Variants in DENND6A observed in about 807,000 individuals in gnomAD.
DENND6A encodes DENN domain containing 6A.
Under a neutral mutation model 95.5 loss-of-function variants are expected in DENND6A, and 43 were observed. The observed-to-expected ratio is 0.45, with a 90% CI of 0.35 to 0.58. The LOEUF is 0.58. DENND6A is among the 20% of genes least tolerant of loss of function. The pLI is 0.00. For missense variants in DENND6A, 574 were observed against 736.0 expected (o/e 0.78, Z 2.55); for synonymous variants, 257 against 260.4 (o/e 0.99, Z 0.13).
chr3:57,651,470 T>C (rs1457973794), intron 9 of DENND6A, among the ~76,000 whole-genome samples: 1 of 152,032 alleles, frequency 6.6e-6, no homozygotes, highest in Admixed American at 6.6e-5. Context: ...GGCAAGTCCA[T>C]AGAGACAGAA....
At chr3:57,638,992 G>A (rs2070866429) in intron 12 of DENND6A, among the ~76,000 whole-genome samples, 1 of 152,160 alleles carries the variant, frequency 6.6e-6, no homozygotes, top group African/African-American at 2.4e-5. Flanking sequence ...CAGCTACTCG[G>A]GAGGCTGAGG....
chr3:57,661,313 A>G (rs1242024494), intron 6 of DENND6A, 133 bp downstream of exon 6: 1 of 673,774 alleles, frequency 1.5e-6, no homozygotes, highest in Non-Finnish European at 2.3e-6. Flanking sequence ...ATAGTTTTAT[A>G]CCTTTCTCCT....
At chr3:57,681,731 C>T (rs2077168031) in intron 1 of DENND6A, among the ~76,000 whole-genome samples, 1 of 151,422 alleles carries the variant, frequency 6.6e-6, no homozygotes, top group African/African-American at 2.4e-5. Flanking sequence ...GTATATTATT[C>T]AACCATAAAA....
intron 1 of DENND6A, among the ~76,000 whole-genome samples, chr3:57,686,968 AG>A (rs1162362784): frequency 6.6e-6 from 1 of 152,252 alleles, no homozygotes; most frequent in African/African-American, 2.4e-5. Flanking sequence ...ACAGGCCAAA[AG>A]CTAGGCCTCT....
At chr3:57,633,129 G>A (rs2070722228) in intron 15 of DENND6A, 136 bp downstream of exon 15, 1 of 700,920 alleles carries the variant, frequency 1.4e-6, no homozygotes, top group African/African-American at 1.8e-5. Context: ...TCTTGCAAAG[G>A]GGTTTATTTT....
At chr3:57,654,726 T>C (rs1020328111) in intron 9 of DENND6A, 5 of 985,040 alleles carry the variant, frequency 5.1e-6, no homozygotes, top group Non-Finnish European at 6.0e-6. Flanking sequence ...GGAATAGACC[T>C]TGACCTAGTG....
At chr3:57,689,404 TGAGGTACAGTATATCAAACCCAG>T (rs1415066369) in intron 1 of DENND6A, among the ~76,000 whole-genome samples, 1 of 152,076 alleles carries the variant, frequency 6.6e-6, no homozygotes. Context: ...AAGCTAAAAG[TGAGGTACAGTATATCAAACCCAG>T]GAGGTTTCAA....
At chr3:57,633,395 G>A in intron 14 of DENND6A, 41 bp from the exon 15 acceptor site, 1 of 1,505,974 alleles carries the variant, frequency 6.6e-7, no homozygotes, top group Middle Eastern at 1.8e-4. Flanking sequence ...TCTAGTGTTG[G>A]AATATAAAAC....
chr3:57,630,572 CT>C (rs1475500077), intron 17 of DENND6A, 49 bp from the exon 18 acceptor site: 28 of 1,546,640 alleles, frequency 1.8e-5, no homozygotes, highest in Non-Finnish European at 2.4e-5. Context: ...AACTTATTTC[CT>C]TTCCTCAATA....
chr3:57,684,601 C>G (rs192492585), intron 1 of DENND6A, among the ~76,000 whole-genome samples: 3 of 152,036 alleles, frequency 2.0e-5, no homozygotes, highest in East Asian at 3.9e-4. Context: ...CTGGGCAACA[C>G]AGCAAAACCC....
intron 1 of DENND6A, among the ~76,000 whole-genome samples, chr3:57,691,669 CAAAAAAAA>C (rs71091304): frequency 7.5e-5 from 7 of 93,596 alleles, no homozygotes; most frequent in African/African-American, 2.7e-4. Context: ...TCACCAATAC[CAAAAAAAA>C]AAAAAAAAAA....
At chr3:57,654,725 C>T (rs763921802) in intron 9 of DENND6A, 92 of 984,934 alleles carry the variant, frequency 9.3e-5, no homozygotes, top group Admixed American at 3.1e-4. Context: ...TGGAATAGAC[C>T]TTGACCTAGT....
In DENND6A at chr3:57,681,653, A is replaced by G. The variant is rs558758330; in HGVS notation, c.238-9215T>C. ...AAAAAAAAAAGAAAGAAAGAAAGAAAAAAGAAAGAAACAATCCAAATTTTC... is the reference window on the plus strand; with the variant it reads ...AAAAAAAAAAGAAAGAAAGAAAGAAGAAAGAAAGAAACAATCCAAATTTTC... On this transcript the variant is annotated intron_variant, in intron 1 of 19. Transcript: ENST00000311128. 3.9e-5 allele frequency among the ~76,000 whole-genome samples: 6 copies of G among 151,986 alleles called. No homozygotes were observed. The East Asian group carries it at 1.2e-3, about 29-fold the overall frequency.
chr3:57,653,831 GTTT>G (rs571512945), intron 9 of DENND6A, among the ~76,000 whole-genome samples: 2 of 139,754 alleles, frequency 1.4e-5, no homozygotes, highest in Non-Finnish European at 3.1e-5. Flanking sequence ...AAATCACTGG[GTTT>G]TTTTTTTTTA....
At chr3:57,656,606 T>A (rs372803612) in intron 9 of DENND6A, among the ~76,000 whole-genome samples, 5 of 146,578 alleles carry the variant, frequency 3.4e-5, no homozygotes, top group African/African-American at 4.9e-5. Context: ...TTTTTTTTTT[T>A]AAACTAACCA....
chr3:57,663,640 T>C lies in DENND6A; in HGVS notation c.509A>G (p.Gln170Arg). 1 of 1,595,072 alleles carries C rather than the reference T, an allele frequency of 6.3e-7. No individual in the cohort carries two copies. The highest frequency in any genetic ancestry group is 8.5e-7 in the Non-Finnish European group (1 of 1,171,126). The change falls in exon 5 of 20, where the codon CAG (glutamine) becomes CGG (arginine). Residue 170 changes from glutamine to arginine, a missense_variant. This residue lies in a region of DENND6A where 452 missense variants were observed against 630.9 expected (regional missense o/e 0.72). Transcript: ENST00000311128. ...RDKTLKRGYF[Q>R]KSLVLISKLP... ...ATTAGTGTGTATGACAATTACCTTCTGAAAGTAGCCTCTTTTTAGAGTTTT... is the reference window on the plus strand; with the variant it reads ...ATTAGTGTGTATGACAATTACCTTCCGAAAGTAGCCTCTTTTTAGAGTTTT...
intron 3 of DENND6A, among the ~76,000 whole-genome samples, chr3:57,671,340 T>C (rs942792678): frequency 6.6e-6 from 1 of 151,998 alleles, no homozygotes; most frequent in African/African-American, 2.4e-5. Flanking sequence ...CTGGCTAACA[T>C]GGTGAAACCC....
Position 57,630,616 on chromosome 3 carries a change from A to G in DENND6A, c.1518-93T>C, listed in dbSNP as rs1469247637. Reference sequence around the variant, plus strand: ...TAGTCAGAGAACCATGTCAAACTTTAGTAGAATTTTTTAAAAAGAATAAGC... The same window carrying G: ...TAGTCAGAGAACCATGTCAAACTTTGGTAGAATTTTTTAAAAAGAATAAGC... On this transcript the variant is annotated intron_variant, in intron 17 of 19. Coordinates refer to ENST00000311128, the MANE Select transcript of DENND6A (RefSeq NM_152678.3). 2.6e-6 allele frequency: 4 copies of G among 1,524,936 alleles called. No homozygotes were observed. In the Admixed American group the frequency reaches 6.9e-5, roughly 26 times the overall value. The allele number at this position is 1,524,936 out of a possible 1,614,324, so 94.5% of individuals were successfully genotyped here. A position where few individuals can be genotyped will look rare whatever the true frequency, so the allele number is the denominator to read the frequency against.
At chr3:57,644,083 GAGGTTGCAGTAAACCA>G in intron 11 of DENND6A, among the ~76,000 whole-genome samples, 1 of 150,662 alleles carries the variant, frequency 6.6e-6, no homozygotes, top group Non-Finnish European at 1.5e-5. Flanking sequence ...CCGGGAGGCG[GAGGTTGCAGTAAACCA>G]AGATGGCGCC....
Sources: gnomAD v4.1 joint callset for allele counts (sites outside exome capture counted in the v4.1 genomes callset) on GRCh38, gnomAD v4.1.1 for gene constraint, gnomAD v4.1.1 regional missense constraint, MANE v1.5 for transcripts, NCBI Gene and HGNC (gene_info 2026-07-23, HGNC 2026-07-21) for gene names.